SMOC1: variants seen among roughly 807,000 people sequenced by gnomAD.
SMOC1 encodes the protein SPARC related modular calcium binding 1, also known as SPARC-related modular calcium-binding protein 1.
SMOC1 carries 22 observed loss-of-function variants against 56.3 expected under a neutral mutation model. The ratio of observed to expected loss-of-function variants is 0.39; its 90% CI spans 0.28 to 0.56. The LOEUF is 0.56. SMOC1 is among the 20% of genes least tolerant of loss of function. The pLI, the probability that SMOC1 is intolerant of heterozygous loss-of-function variation, is 0.61. For missense variants in SMOC1, 509 were observed against 565.4 expected, an observed-to-expected ratio of 0.90 and a Z score of 1.01; for synonymous variants, 193 against 215.0, an observed-to-expected ratio of 0.90 and a Z score of 0.89.
At chr14:69,982,974 A>T (rs1474426159) in intron 5 of SMOC1, among the ~76,000 whole-genome samples, 1 of 152,204 alleles carries the variant, frequency 6.6e-6, no homozygotes, top group Non-Finnish European at 1.5e-5. Context: ...GCCTCCACCA[A>T]GCCTGGAATG....
intron 1 of SMOC1, among the ~76,000 whole-genome samples, chr14:69,932,684 G>A (rs753714175): frequency 9.2e-5 from 14 of 152,292 alleles, no homozygotes; most frequent in East Asian, 3.9e-4. Context: ...CCTGGGGACC[G>A]ACCCCTGTGC....
intron 1 of SMOC1, among the ~76,000 whole-genome samples, chr14:69,883,443 T>G (rs1182711055): frequency 6.6e-6 from 1 of 152,218 alleles, no homozygotes; most frequent in Admixed American, 6.5e-5. Flanking sequence ...TCTACATTGT[T>G]GCAAATGACA....
At chr14:69,938,734 C>T (rs1257432913) in intron 1 of SMOC1, among the ~76,000 whole-genome samples, 1 of 152,172 alleles carries the variant, frequency 6.6e-6, no homozygotes, top group African/African-American at 2.4e-5. Flanking sequence ...TCTCCATTCA[C>T]CTCCTTTGGG....
In SMOC1 at chr14:69,879,742, TC is replaced by T; in HGVS notation, c.68del (p.Pro23LeufsTer13). 6.3e-7 allele frequency: 1 copy of T among 1,593,254 alleles called. No individual in the cohort carries two copies. ...CTTGCTGCTGGTGTTGGTGCAGCTG[TC>T]CCCTGCTCGCGGCCACCGCACCACA... is the stretch of plus-strand genomic sequence containing the variant. ...PHLLLVLVQL[S>X]PARGHRTTGP... is the part of the protein sequence containing the mutation. On this transcript the variant is annotated frameshift_variant, in exon 1 of 12. Coordinates refer to ENST00000361956, the MANE Select transcript of SMOC1 (RefSeq NM_001034852.3). LOFTEE classifies it high-confidence loss of function.
At chr14:69,984,681 A>T (rs1472164455) in intron 5 of SMOC1, among the ~76,000 whole-genome samples, 1 of 77,238 alleles carries the variant, frequency 1.3e-5, no homozygotes, top group Non-Finnish European at 2.4e-5. Flanking sequence ...TATCTCTACT[A>T]AAAAAAAAAA....
chr14:69,985,193 A>G (rs892004922), intron 5 of SMOC1, among the ~76,000 whole-genome samples: 4 of 151,830 alleles, frequency 2.6e-5, no homozygotes, highest in Non-Finnish European at 1.5e-5. Flanking sequence ...CCATGGCAGG[A>G]TGTCACTACA....
chr14:70,009,356 C>T (rs1026137478), intron 7 of SMOC1, among the ~76,000 whole-genome samples: 3 of 152,128 alleles, frequency 2.0e-5, no homozygotes, highest in African/African-American at 7.2e-5. Flanking sequence ...CTGCATTGAG[C>T]TACTTTGTGT....
At chr14:69,930,446 T>C (rs1400979117) in intron 1 of SMOC1, among the ~76,000 whole-genome samples, 1 of 152,232 alleles carries the variant, frequency 6.6e-6, no homozygotes, top group Admixed American at 6.5e-5. Flanking sequence ...ACATTATGTT[T>C]AAATTGCTTG....
intron 11 of SMOC1, among the ~76,000 whole-genome samples, chr14:70,029,271 G>T (rs1402422739): frequency 6.6e-6 from 1 of 152,206 alleles, no homozygotes. Context: ...GCAGAATGAG[G>T]CTGGGACTTT....
intron 1 of SMOC1, among the ~76,000 whole-genome samples, chr14:69,903,136 C>T (rs1046179369): frequency 5.9e-5 from 9 of 151,442 alleles, no homozygotes; most frequent in Non-Finnish European, 1.2e-4. Flanking sequence ...AAGTGAGGAC[C>T]GCCTCTTCCT....
chr14:69,994,327 A>C, intron 6 of SMOC1, 73 bp from the exon 7 acceptor site: 2 of 1,157,326 alleles, frequency 1.7e-6, no homozygotes, highest in South Asian at 2.4e-5. Context: ...ACTATTAAGA[A>C]GTCTGAGGTT....
At chr14:70,010,390 A>G (rs912969577) in intron 7 of SMOC1, among the ~76,000 whole-genome samples, 7 of 152,226 alleles carry the variant, frequency 4.6e-5, no homozygotes, top group Non-Finnish European at 8.8e-5. Flanking sequence ...CAGTCCACAG[A>G]CAGAACATCA....
At chr14:69,997,832 A>G (rs951112769) in intron 7 of SMOC1, among the ~76,000 whole-genome samples, 2 of 152,146 alleles carry the variant, frequency 1.3e-5, no homozygotes, top group African/African-American at 2.4e-5. Context: ...AGTTTGATGG[A>G]TGATCCTGGG....
intron 7 of SMOC1, among the ~76,000 whole-genome samples, chr14:70,006,873 T>C (rs1885165287): frequency 6.6e-6 from 1 of 152,102 alleles, no homozygotes; most frequent in African/African-American, 2.4e-5. Flanking sequence ...TAGGGCAGCT[T>C]CCACAAAAGT....
chr14:69,908,808 A>G (rs1043158971), intron 1 of SMOC1, among the ~76,000 whole-genome samples: 2 of 152,096 alleles, frequency 1.3e-5, no homozygotes, highest in Non-Finnish European at 2.9e-5. Context: ...CTGGGCTCAA[A>G]ACAGTGTAGG....
chr14:70,020,950 C>A (rs537653610), intron 10 of SMOC1, among the ~76,000 whole-genome samples: 2 of 152,306 alleles, frequency 1.3e-5, no homozygotes, highest in African/African-American at 4.8e-5. Context: ...GCCCCAGAAA[C>A]ACGTGTTGGA....
At chr14:69,947,124 C>CCTTCCTTT (rs1249735845) in intron 1 of SMOC1, among the ~76,000 whole-genome samples, 7 of 151,196 alleles carry the variant, frequency 4.6e-5, no homozygotes, top group Non-Finnish European at 7.4e-5. Flanking sequence ...TTCCTTCCTT[C>CCTTCCTTT]CTTCCCTCCC....
chr14:69,923,723 A>G (rs546626941), intron 1 of SMOC1, among the ~76,000 whole-genome samples: 7 of 152,300 alleles, frequency 4.6e-5, no homozygotes, highest in Admixed American at 6.5e-5. Flanking sequence ...CTGTGGTCTC[A>G]GTTGGGTTTT....
intron 10 of SMOC1, among the ~76,000 whole-genome samples, chr14:70,020,253 GA>G (rs1397655727): frequency 6.6e-6 from 1 of 152,048 alleles, no homozygotes; most frequent in Non-Finnish European, 1.5e-5. Context: ...TCTCTAGAGA[GA>G]GAGCTCACAT....
Sources: allele counts gnomAD v4.1 joint callset (sites outside exome capture counted in the v4.1 genomes callset), GRCh38; gene constraint gnomAD v4.1.1; transcripts MANE v1.5; gene names NCBI Gene and HGNC (gene_info 2026-07-23, HGNC 2026-07-21).